DOT1L: variants seen among roughly 807,000 people sequenced by gnomAD.
DOT1L encodes the protein DOT1 like histone lysine methyltransferase, also known as histone-lysine N-methyltransferase, H3 lysine-79 specific.
DOT1L carries 33 observed loss-of-function variants against 153.3 expected under a neutral mutation model. The ratio of observed to expected loss-of-function variants is 0.22; its 90% CI spans 0.16 to 0.29. The LOEUF is 0.29. DOT1L is among the 10% of genes least tolerant of loss of function. The pLI is 1.00. For synonymous variants in DOT1L, 1,135 were observed against 965.1 expected, an observed-to-expected ratio of 1.18 and a Z score of -3.26; for missense variants, 1,847 against 2,119.9, an observed-to-expected ratio of 0.87 and a Z score of 2.53.
chr19:2,194,308 C>T (rs559598729), intron 6 of DOT1L, among the ~76,000 whole-genome samples: 1 of 152,236 alleles, frequency 6.6e-6, no homozygotes, highest in African/African-American at 2.4e-5. Context: ...GTAGCTGGGA[C>T]TACAGGCGCC....
At chr19:2,171,409 A>T (rs1299723383) in intron 1 of DOT1L, among the ~76,000 whole-genome samples, 1 of 152,136 alleles carries the variant, frequency 6.6e-6, no homozygotes, top group Non-Finnish European at 1.5e-5. Context: ...GAAGGTTCAA[A>T]CAGCAGTTCT....
chr19:2,189,825 T>C lies in DOT1L; in HGVS notation c.264+30T>C, dbSNP rs763939653. On this transcript the variant is annotated intron_variant, in intron 4 of 27. Coordinates refer to ENST00000398665, the MANE Select transcript of DOT1L (RefSeq NM_032482.3). Reference sequence around the variant, plus strand: ...GTGGCTTGCCCCTGCCCAGAGGGGGTTAGTAGTGCCAGGCTCCCGGACCCC... The same window carrying C: ...GTGGCTTGCCCCTGCCCAGAGGGGGCTAGTAGTGCCAGGCTCCCGGACCCC... 10 of 1,609,150 alleles carry C rather than the reference T, an allele frequency of 6.2e-6. No individual in the cohort carries two copies. In the South Asian group the frequency reaches 1.1e-4, roughly 18 times the overall value.
At chr19:2,198,464 T>G (rs1320199846) in intron 7 of DOT1L, among the ~76,000 whole-genome samples, 2 of 152,164 alleles carry the variant, frequency 1.3e-5, no homozygotes, top group Non-Finnish European at 2.9e-5. Flanking sequence ...TGCGTCTGGG[T>G]GGACGAGTGG....
In DOT1L at chr19:2,220,249, C is replaced by G. The variant is rs2024064746; in HGVS notation, c.2806+27C>G. The G allele has an allele frequency of 6.3e-7, 1 of 1,594,772 alleles. No individual in the cohort carries two copies. Among genetic ancestry groups the G allele is most frequent in the East Asian group, 2.3e-5 (1 of 44,062 alleles). ...TAACGCCCCTCCTGTGCCCTACCCT[C>G]AGGACTCTGCTGCTGCTGCTGCTCT... On this transcript the variant is annotated intron_variant, in intron 23 of 27. Transcript: ENST00000398665. The surrounding 1 kb of genome is among the most constrained non-coding windows in gnomAD (Gnocchi z 4.5).
At chr19:2,227,455 G>A (rs531014209) in intron 27 of DOT1L, 631 of 583,650 alleles carry the variant, frequency 1.1e-3, no homozygotes, top group Non-Finnish European at 1.5e-3. Context: ...AAGGCTCTGG[G>A]AGCTGGTGTT....
In DOT1L at chr19:2,226,981, C is replaced by G; in HGVS notation, c.4460C>G (p.Ser1487Cys). 2.5e-6 allele frequency: 4 copies of G among 1,591,872 alleles called. No homozygotes were observed. The highest frequency in any genetic ancestry group is 3.4e-6 in the Non-Finnish European group (4 of 1,176,744). ...GPMSLQANLG[S>C]VAGSSVLQSL... ...ATGTCCCTGCAGGCCAACCTCGGCT[C>G]CGTGGCCGGCTCCTCCGTGCTGCAG... Residue 1487 changes from serine to cysteine, a missense_variant, in exon 27 of 28, where the codon TCC becomes TGC. Transcript: ENST00000398665.
chr19:2,187,815 A>T (rs553367264), intron 3 of DOT1L, among the ~76,000 whole-genome samples: 1 of 151,470 alleles, frequency 6.6e-6, no homozygotes, highest in Non-Finnish European at 1.5e-5. Context: ...CCAGTTAGTC[A>T]GGAGGCTGAG....
chr19:2,206,429 G>A (rs1320458604), intron 9 of DOT1L, among the ~76,000 whole-genome samples: 1 of 151,252 alleles, frequency 6.6e-6, no homozygotes, highest in Non-Finnish European at 1.5e-5. Context: ...GTGGTGGTGT[G>A]CGCCTGTAAT....
intron 27 of DOT1L, chr19:2,227,861 G>C (rs757403031): frequency 7.8e-6 from 10 of 1,281,936 alleles, no homozygotes; most frequent in South Asian, 1.2e-5. Context: ...CCAGCGCCTC[G>C]GCCTCTTCCT....
Position 2,216,396 on chromosome 19 carries a change from G to T in DOT1L, c.2039G>T (p.Gly680Val). The T allele has an allele frequency of 1.2e-6, 2 of 1,612,392 alleles. No homozygotes were observed. Among genetic ancestry groups the T allele is most frequent in the Non-Finnish European group, 1.7e-6 (2 of 1,179,844 alleles). The change falls in exon 20 of 28, where the codon GGC (glycine) becomes GTC (valine). Residue 680 changes from glycine to valine, a missense_variant. Coordinates refer to ENST00000398665, the MANE Select transcript of DOT1L (RefSeq NM_032482.3). ...CACCTGCGTGGGAAGGGCGCCCTGGGCCGCGAGCTGGAGCCTGACGCCAGC... is the reference window on the plus strand; with the variant it reads ...CACCTGCGTGGGAAGGGCGCCCTGGTCCGCGAGCTGGAGCCTGACGCCAGC... The part of the protein sequence containing the change: ...SLHLRGKGAL[G>V]RELEPDASRL...
chr19:2,184,897 GTGTTGGTCAGGGA>G (rs1338469201), intron 2 of DOT1L, among the ~76,000 whole-genome samples: 5 of 152,194 alleles, frequency 3.3e-5, no homozygotes, highest in Admixed American at 3.3e-4. Context: ...ATAGTGGGGT[GTGTTGGTCAGGGA>G]TGTTGGTCAG....
chr19:2,218,592 A>G (rs1358863307), intron 22 of DOT1L, among the ~76,000 whole-genome samples: 1 of 151,370 alleles, frequency 6.6e-6, no homozygotes, highest in Non-Finnish European at 1.5e-5. Flanking sequence ...ATGGGGTTTC[A>G]CCGTGTTAGC....
At chr19:2,194,718 G>A (rs1240444750) in intron 7 of DOT1L, 141 bp downstream of exon 7, 16 of 889,304 alleles carry the variant, frequency 1.8e-5, no homozygotes, top group African/African-American at 5.0e-5. Context: ...TCTGGTTCTC[G>A]TAGGGCTGCC....
At position 2,200,555 on chromosome 19, in the gene DOT1L, C is replaced by T. The variant is rs550577625; in HGVS notation, c.707+616C>T. Among the ~76,000 whole-genome samples, 6 of 152,282 alleles carry T rather than the reference C, an allele frequency of 3.9e-5. No individual in the cohort carries two copies. In the South Asian group the frequency reaches 1.2e-3, roughly 32 times the overall value. On this transcript the variant is annotated intron_variant, in intron 8 of 27. Coordinates refer to ENST00000398665, the MANE Select transcript of DOT1L (RefSeq NM_032482.3). ...TGTGGCCACAGCACTCCAGCGTGTG[C>T]CAGGGACCCTGGAGGCCCAAGGCGC...
rs1262032126 is a variant in DOT1L at position 2,191,355 on chromosome 19, A to G, written c.493+115A>G. ...AGGGACTTGCGACGTTGGCGTGGAC[A>G]GTGCTTCCTTCTCCCAGCGCCTCTG... On this transcript the variant is annotated intron_variant, in intron 5 of 27. Transcript: ENST00000398665. This position sits in a 1 kb window ranked among gnomAD's most constrained non-coding sequence, Gnocchi z 6.8. 2.8e-6 allele frequency: 3 copies of G among 1,075,638 alleles called. No homozygotes were observed. Among genetic ancestry groups the G allele is most frequent in the Non-Finnish European group, 4.1e-6 (3 of 725,418 alleles). The allele number at this position is 1,075,638 out of a possible 1,614,324, so 66.6% of individuals were successfully genotyped here.
chr19:2,216,810 G>T (rs772807958), intron 20 of DOT1L, 45 bp downstream of exon 20: 6 of 1,560,996 alleles, frequency 3.8e-6, no homozygotes, highest in South Asian at 1.2e-5. Context: ...GGTACCTGCC[G>T]ACTCTGCCTG....
At chr19:2,211,467 G>A (rs922671094) in intron 15 of DOT1L, among the ~76,000 whole-genome samples, 1 of 152,238 alleles carries the variant, frequency 6.6e-6, no homozygotes, top group Non-Finnish European at 1.5e-5. Flanking sequence ...ACTTAGGGAT[G>A]TTGCTGGCAT....
At chr19:2,228,394 G>T (rs778347593) in intron 27 of DOT1L, 18 of 1,265,912 alleles carry the variant, frequency 1.4e-5, no homozygotes, top group Non-Finnish European at 1.7e-5. Context: ...TAAGGCCAGA[G>T]CCCTGCGCGG....
intron 2 of DOT1L, among the ~76,000 whole-genome samples, chr19:2,181,320 G>A (rs1019802835): frequency 6.6e-6 from 1 of 152,180 alleles, no homozygotes; most frequent in Non-Finnish European, 1.5e-5. Context: ...CCTGCACGGA[G>A]GCCACATGTG....
Sources: gnomAD v4.1 joint callset for allele counts (sites outside exome capture counted in the v4.1 genomes callset) on GRCh38, gnomAD v4.1.1 for gene constraint, Gnocchi (gnomAD v3.1) non-coding constraint, MANE v1.5 for transcripts, NCBI Gene and HGNC (gene_info 2026-07-23, HGNC 2026-07-21) for gene names.